TENM3: variants seen among roughly 807,000 people sequenced by gnomAD.
The protein encoded by TENM3 is teneurin transmembrane protein 3.
In TENM3, 63 loss-of-function variants were observed where a neutral mutation model predicts 255.1. The ratio of observed to expected loss-of-function variants is 0.25; its 90% CI spans 0.20 to 0.30. The LOEUF is 0.30. TENM3 is among the 10% of genes least tolerant of loss of function. The probability of loss-of-function intolerance (pLI) is 1.00; values close to 1 mark genes in which losing one functional copy is unlikely to be tolerated. For synonymous variants in TENM3, 1,306 were observed against 1,322.3 expected (o/e 0.99, Z 0.27); for missense variants, 2,929 against 3,461.1 (o/e 0.85, Z 3.86).
intron 1 of TENM3, among the ~76,000 whole-genome samples, chr4:182,174,432 G>A (rs1752313340): frequency 7.8e-6 from 1 of 128,658 alleles, no homozygotes; most frequent in Non-Finnish European, 1.6e-5. Context: ...ACTTTTGTAG[G>A]CACTCTTTTT....
At chr4:182,085,832 C>T in the TENM3 span, among the ~76,000 whole-genome samples, 43 of 152,190 alleles carry the variant, frequency 2.8e-4, no homozygotes, top group South Asian at 5.6e-3. Flanking sequence ...ATATATATTG[C>T]GTTTTTCTAC....
At chr4:181,701,949 T>C in the TENM3 span, among the ~76,000 whole-genome samples, 262 of 152,266 alleles carry the variant, frequency 1.7e-3, 2 homozygotes, top group African/African-American at 6.0e-3. Context: ...TATAGCTGGG[T>C]CCTTGTCCAG....
the TENM3 span, among the ~76,000 whole-genome samples, chr4:182,101,793 G>C: frequency 6.6e-6 from 1 of 152,132 alleles, no homozygotes; most frequent in Non-Finnish European, 1.5e-5. Flanking sequence ...CAAAAATATG[G>C]CAAGTATGTG....
chr4:182,208,086 T>A (rs942424252), intron 1 of TENM3, among the ~76,000 whole-genome samples: 24 of 152,238 alleles, frequency 1.6e-4, no homozygotes, highest in Non-Finnish European at 3.2e-4. Flanking sequence ...AGATATTTTT[T>A]AATAATGCAA....
chr4:182,372,595 C>T (rs1324406846), intron 3 of TENM3, among the ~76,000 whole-genome samples: 2 of 151,888 alleles, frequency 1.3e-5, no homozygotes, highest in Non-Finnish European at 1.5e-5. Context: ...TGATAAATAC[C>T]TTGTCCTCAA....
At chr4:182,048,197 C>A in the TENM3 span, among the ~76,000 whole-genome samples, 1 of 152,104 alleles carries the variant, frequency 6.6e-6, no homozygotes, top group Non-Finnish European at 1.5e-5. Flanking sequence ...CCAGAGTTCA[C>A]ATGATGATGG....
chr4:182,529,310 T>C (rs1447715220), intron 3 of TENM3, among the ~76,000 whole-genome samples: 1 of 152,188 alleles, frequency 6.6e-6, no homozygotes, highest in Non-Finnish European at 1.5e-5. Flanking sequence ...AGATTATCAC[T>C]GTGGCTTATT....
At chr4:181,710,138 C>G in the TENM3 span, among the ~76,000 whole-genome samples, 19 of 152,068 alleles carry the variant, frequency 1.2e-4, no homozygotes, top group African/African-American at 4.6e-4. Flanking sequence ...TGCCATGGTG[C>G]CAAATAAGAA....
chr4:182,001,852 G>T, the TENM3 span, among the ~76,000 whole-genome samples: 2 of 152,048 alleles, frequency 1.3e-5, no homozygotes, highest in African/African-American at 2.4e-5. Context: ...GAGACCTAAG[G>T]TATTTCTAAA....
chr4:182,569,435 TC>T, intron 3 of TENM3, among the ~76,000 whole-genome samples: 1 of 151,896 alleles, frequency 6.6e-6, no homozygotes, highest in African/African-American at 2.4e-5. Context: ...GTGCCTGTAA[TC>T]CCAGCTACTC....
At chr4:182,110,627 G>C in the TENM3 span, among the ~76,000 whole-genome samples, 23 of 152,152 alleles carry the variant, frequency 1.5e-4, no homozygotes, top group Admixed American at 1.3e-3. Flanking sequence ...CGCTGGACCA[G>C]TAGCTCTTTC....
the TENM3 span, among the ~76,000 whole-genome samples, chr4:181,920,827 G>A: frequency 5.5e-4 from 83 of 152,204 alleles, no homozygotes; most frequent in East Asian, 0.014. Flanking sequence ...GTCCTGAATG[G>A]TAATGCCTAG....
the TENM3 span, among the ~76,000 whole-genome samples, chr4:182,065,246 G>T: frequency 3.3e-5 from 5 of 152,076 alleles, no homozygotes; most frequent in South Asian, 4.1e-4. Flanking sequence ...TGTTGGCCAG[G>T]CTGGTCTCAA....
chr4:182,547,946 G>C (rs1044900481), intron 3 of TENM3, among the ~76,000 whole-genome samples: 3 of 152,018 alleles, frequency 2.0e-5, no homozygotes, highest in Non-Finnish European at 4.4e-5. Context: ...GGCCAGGCAC[G>C]ATGGCTCGTG....
chr4:181,910,596 A>G, the TENM3 span, among the ~76,000 whole-genome samples: 1,673 of 147,122 alleles, frequency 0.011, 16 homozygotes, highest in African/African-American at 0.023. Context: ...ATTTGTATAT[A>G]TATATATATA....
chr4:181,906,918 G>A, the TENM3 span, among the ~76,000 whole-genome samples: 9 of 151,658 alleles, frequency 5.9e-5, 1 homozygote, highest in South Asian at 6.2e-4. Flanking sequence ...TCACTATGTC[G>A]CCCAGGCTGG....
At chr4:181,631,376 G>A in the TENM3 span, among the ~76,000 whole-genome samples, 79 of 151,870 alleles carry the variant, frequency 5.2e-4, no homozygotes, top group Non-Finnish European at 1.0e-3. Context: ...CGTAACCTCC[G>A]CCTCCCAGGT....
chr4:182,569,544 A>G (rs943635734), intron 3 of TENM3, among the ~76,000 whole-genome samples: 29 of 148,924 alleles, frequency 1.9e-4, no homozygotes, highest in African/African-American at 6.9e-4. Context: ...ACAGAGCAAG[A>G]CTGTGTCTCA....
the TENM3 span, among the ~76,000 whole-genome samples, chr4:181,754,096 A>G: frequency 6.6e-6 from 1 of 152,198 alleles, no homozygotes; most frequent in Non-Finnish European, 1.5e-5. Context: ...TTTATGCTAT[A>G]AATCAGTTTA....
Sources: gnomAD v4.1 joint callset for allele counts (sites outside exome capture counted in the v4.1 genomes callset) on GRCh38, gnomAD v4.1.1 for gene constraint, MANE v1.5 for transcripts, NCBI Gene and HGNC (gene_info 2026-07-23, HGNC 2026-07-21) for gene names.